OSGIN2: variants seen among roughly 807,000 people sequenced by gnomAD.
OSGIN2 encodes the protein oxidative stress-induced growth inhibitor 2.
Under a neutral mutation model 53.8 loss-of-function variants are expected in OSGIN2, and 19 were observed. The observed-to-expected ratio is 0.35, with a 90% CI of 0.25 to 0.52. The LOEUF is 0.52. Among genes scored for constraint, OSGIN2 ranks in the 20% least tolerant of loss-of-function variants. The probability of loss-of-function intolerance (pLI) is 0.95; values close to 1 mark genes in which losing one functional copy is unlikely to be tolerated. For missense variants in OSGIN2, 520 were observed against 662.7 expected, an observed-to-expected ratio of 0.78 and a Z score of 2.36; for synonymous variants, 236 against 236.0, an observed-to-expected ratio of 1.00 and a Z score of 0.00.
intron 1 of OSGIN2, among the ~76,000 whole-genome samples, chr8:89,904,415 CTA>C: frequency 6.6e-6 from 1 of 152,228 alleles, no homozygotes; most frequent in South Asian, 2.1e-4. Context: ...AAAGTATTTG[CTA>C]TGTTTTGGTC....
chr8:89,909,181 T>C (rs1206530958), intron 1 of OSGIN2, among the ~76,000 whole-genome samples: 2 of 151,398 alleles, frequency 1.3e-5, no homozygotes, highest in Non-Finnish European at 2.9e-5. Context: ...TGTATGACTA[T>C]ATATTGTATT....
At chr8:89,906,180 A>G (rs1231899633) in intron 1 of OSGIN2, among the ~76,000 whole-genome samples, 1 of 152,244 alleles carries the variant, frequency 6.6e-6, no homozygotes, top group Non-Finnish European at 1.5e-5. Flanking sequence ...TATTAAGCCT[A>G]GTACCCATTA....
intron 2 of OSGIN2, among the ~76,000 whole-genome samples, chr8:89,910,833 A>G (rs1302709151): frequency 6.6e-6 from 1 of 152,220 alleles, no homozygotes; most frequent in Non-Finnish European, 1.5e-5. Context: ...TGCCTCAGCT[A>G]GCTGTGAGTA....
At chr8:89,919,272 A>G (rs1463391800) in intron 4 of OSGIN2, among the ~76,000 whole-genome samples, 4 of 152,218 alleles carry the variant, frequency 2.6e-5, no homozygotes, top group Non-Finnish European at 4.4e-5. Context: ...ATTTTACTAT[A>G]GTGAAAGGAT....
intron 1 of OSGIN2, among the ~76,000 whole-genome samples, chr8:89,908,753 G>A (rs1191367783): frequency 3.9e-5 from 6 of 151,946 alleles, no homozygotes; most frequent in Non-Finnish European, 8.8e-5. Flanking sequence ...TTTCTAGAGA[G>A]CCAATTGAGA....
At chr8:89,917,661 C>A (rs1304943607) in intron 4 of OSGIN2, among the ~76,000 whole-genome samples, 1 of 151,592 alleles carries the variant, frequency 6.6e-6, no homozygotes, top group Non-Finnish European at 1.5e-5. Context: ...TCTTTTTTTT[C>A]TTTCATGCTT....
intron 4 of OSGIN2, among the ~76,000 whole-genome samples, chr8:89,916,484 A>G (rs190434395): frequency 1.4e-4 from 21 of 152,254 alleles, no homozygotes; most frequent in Admixed American, 9.2e-4. Context: ...CCTGCATTCC[A>G]TATCTTAATC....
At chr8:89,911,424 G>A (rs1185985114) in intron 2 of OSGIN2, among the ~76,000 whole-genome samples, 1 of 152,046 alleles carries the variant, frequency 6.6e-6, no homozygotes, top group African/African-American at 2.4e-5. Context: ...GAGCACAGGA[G>A]TTCGAGACCA....
At position 89,925,295 on chromosome 8, in the gene OSGIN2, T is replaced by C; in HGVS notation, c.1413T>C (p.Cys471=). 1 of 1,614,124 alleles carries C rather than the reference T, an allele frequency of 6.2e-7. No homozygotes were observed. The highest frequency in any genetic ancestry group is 8.5e-7 in the Non-Finnish European group (1 of 1,179,962). Residue 471 remains cysteine (C), a synonymous_variant, in exon 6 of 6, where the codon TGT becomes TGC. Transcript: ENST00000451899. ...TGTCTTTTCTGAAGGATCAAGGGTGTTACCTAGGCCATAAGTCAAGCCAGC... is the reference window on the plus strand; with the variant it reads ...TGTCTTTTCTGAAGGATCAAGGGTGCTACCTAGGCCATAAGTCAAGCCAGC... ...PNLSFLKDQG[C]YLGHKSSQPI...
chr8:89,910,690 G>A (rs1224191339), intron 2 of OSGIN2, among the ~76,000 whole-genome samples: 2 of 152,110 alleles, frequency 1.3e-5, no homozygotes, highest in Admixed American at 1.3e-4. Flanking sequence ...TCTAACCTTG[G>A]TTTTCTATCC....
At chr8:89,912,023 T>G (rs1268263065) in intron 2 of OSGIN2, among the ~76,000 whole-genome samples, 1 of 152,262 alleles carries the variant, frequency 6.6e-6, no homozygotes, top group Non-Finnish European at 1.5e-5. Context: ...AATTATAAGT[T>G]GAAATCTTTC....
At position 89,926,108 on chromosome 8, in the gene OSGIN2, G is replaced by T. The variant is rs549739946; in HGVS notation, c.*576G>T. 1 of 152,202 alleles carries T rather than the reference G, an allele frequency of 6.6e-6. No individual in the cohort carries two copies. Among genetic ancestry groups the T allele is most frequent in the African/African-American group, 2.4e-5 (1 of 41,408 alleles). 9.4% of individuals were successfully genotyped at this position (152,202 alleles called of 1,614,324 possible). On this transcript the variant is annotated 3_prime_UTR_variant, in exon 6 of 6. Coordinates refer to ENST00000451899, the MANE Select transcript of OSGIN2 (RefSeq NM_001126111.3). Reference sequence around the variant, plus strand: ...TGGATATAAGGTATGTATAACTGGGGGTGGGGTGAGGGTAGGAGGCATTTA... The same window carrying T: ...TGGATATAAGGTATGTATAACTGGGTGTGGGGTGAGGGTAGGAGGCATTTA...
In OSGIN2 at chr8:89,907,448, A is replaced by C. The variant is rs138301675; in HGVS notation, c.45-2119A>C. On this transcript the variant is annotated intron_variant, in intron 1 of 5. Transcript: ENST00000451899. ...TAGAGTTACTTTTTGTATGTGGTAT[A>C]AGGAAGGTATCCAGTTTAGATCTTC... Among the ~76,000 whole-genome samples, 869 of 152,294 alleles carry C rather than the reference A, an allele frequency of 5.7e-3. 7 individuals carry two copies. Among genetic ancestry groups the C allele is most frequent in the African/African-American group, 0.02 (824 of 41,550 alleles).
At chr8:89,910,512 T>C (rs1276990969) in intron 2 of OSGIN2, among the ~76,000 whole-genome samples, 2 of 152,144 alleles carry the variant, frequency 1.3e-5, no homozygotes. Flanking sequence ...GGGGAGAAAA[T>C]TCATGTCCTC....
Position 89,909,603 on chromosome 8 carries a change from T to C in OSGIN2, c.81T>C (p.Phe27=). ...YSDTETEGEI[F]NSLVQYFGDN... ...ACACTGAAACTGAAGGAGAGATTTT[T>C]AATTCCTTAGTGCAATACTTTGGTG... The change falls in exon 2 of 6, where the codon TTT becomes TTC. Residue 27 remains phenylalanine (F), a synonymous_variant. Transcript: ENST00000451899. 14 of 1,589,930 alleles carry C rather than the reference T, an allele frequency of 8.8e-6. No homozygotes were observed. The highest frequency in any genetic ancestry group is 1.2e-5 in the Non-Finnish European group (14 of 1,165,936).
chr8:89,924,950 T>C lies in OSGIN2; in HGVS notation c.1068T>C (p.Thr356=). 2 of 1,614,222 alleles carry C rather than the reference T, an allele frequency of 1.2e-6. No homozygotes were observed. The highest frequency in any genetic ancestry group is 1.7e-6 in the Non-Finnish European group (2 of 1,180,002). Residue 356 remains threonine (T), a synonymous_variant, in exon 6 of 6, where the codon ACT becomes ACC. Coordinates refer to ENST00000451899, the MANE Select transcript of OSGIN2 (RefSeq NM_001126111.3). ...DPVLIVGSGL[T]AADAVLCAYN... ...TGTTAATTGTAGGTTCTGGGCTTACTGCCGCTGACGCAGTACTGTGTGCTT... is the reference window on the plus strand; with the variant it reads ...TGTTAATTGTAGGTTCTGGGCTTACCGCCGCTGACGCAGTACTGTGTGCTT...
intron 1 of OSGIN2, among the ~76,000 whole-genome samples, chr8:89,904,654 A>G (rs1026358227): frequency 1.3e-5 from 2 of 152,158 alleles, no homozygotes; most frequent in African/African-American, 4.8e-5. Flanking sequence ...CGTCTCTACT[A>G]AAAACTCAAA....
At chr8:89,914,285 C>T in intron 3 of OSGIN2, 72 bp downstream of exon 3, 2 of 1,141,392 alleles carry the variant, frequency 1.8e-6, no homozygotes, top group East Asian at 2.5e-5. Flanking sequence ...TTTATATGAA[C>T]TTTCTTAGTT....
intron 3 of OSGIN2, 41 bp from the exon 4 acceptor site, chr8:89,914,514 G>T (rs1033785502): frequency 6.0e-6 from 9 of 1,491,738 alleles, no homozygotes; most frequent in African/African-American, 1.4e-5. Context: ...TCTGGGAAAT[G>T]CTGGCTTTTT....
Sources: gnomAD v4.1 joint callset for allele counts (sites outside exome capture counted in the v4.1 genomes callset) on GRCh38, gnomAD v4.1.1 for gene constraint, MANE v1.5 for transcripts, NCBI Gene and HGNC (gene_info 2026-07-23, HGNC 2026-07-21) for gene names.